The following SLC2A11 variants were observed in gnomAD, a reference collection of about 807,000 sequenced individuals.
SLC2A11 encodes the protein solute carrier family 2 member 11, also known as solute carrier family 2, facilitated glucose transporter member 11.
SLC2A11 carries 43 observed loss-of-function variants against 52.1 expected under a neutral mutation model. The observed-to-expected ratio is 0.82, with a 90% CI of 0.65 to 1.06. SLC2A11 has a LOEUF of 1.06. Among genes scored for constraint, SLC2A11 ranks in the 50% least tolerant of loss-of-function variants. The probability of loss-of-function intolerance (pLI) is 0.00; values close to 1 mark genes in which losing one functional copy is unlikely to be tolerated. For missense variants in SLC2A11, 582 were observed against 654.2 expected, an observed-to-expected ratio of 0.89 and a Z score of 1.20; for synonymous variants, 261 against 277.6, an observed-to-expected ratio of 0.94 and a Z score of 0.59.
rs145943296 is a variant in SLC2A11 at position 23,884,446 on chromosome 22, C to T, written c.1299+17C>T. 2,418 of 1,610,012 alleles carry T rather than the reference C, an allele frequency of 1.5e-3. 19 individuals carry two copies. The highest frequency in any genetic ancestry group is 9.8e-3 in the Middle Eastern group (59 of 6,038). On this transcript the variant is annotated intron_variant, in intron 11 of 11. Coordinates refer to ENST00000316185, the MANE Select transcript of SLC2A11 (RefSeq NM_001024939.4). The surrounding 1 kb of genome is among the most constrained non-coding windows in gnomAD (Gnocchi z 4.3). Reference sequence around the variant, plus strand: ...TTTATCATGGTAGGCCCGCCCCTCCCGCTGGGGGCCCTGCCTTAGGCTGTG... The same window carrying T: ...TTTATCATGGTAGGCCCGCCCCTCCTGCTGGGGGCCCTGCCTTAGGCTGTG...
chr22:23,869,642 CCT>C (rs1441165156), intron 3 of SLC2A11: 14 of 218,680 alleles, frequency 6.4e-5, no homozygotes, highest in African/African-American at 2.6e-4. Context: ...ACAGTGAGCC[CCT>C]GTCTCAAAAC....
chr22:23,876,224 G>A (rs1310820446), intron 4 of SLC2A11, among the ~76,000 whole-genome samples: 1 of 152,150 alleles, frequency 6.6e-6, no homozygotes, highest in Non-Finnish European at 1.5e-5. Flanking sequence ...TTAGAAGTGA[G>A]TTACTAAGAG....
chr22:23,882,845 C>T lies in SLC2A11; in HGVS notation c.969C>T (p.Cys323=), dbSNP rs147441026. ...IQYAIIGTGS[C]ELLTAVVSCV... Reference sequence around the variant, plus strand: ...ACGCGATCATCGGGACTGGGAGCTGCGAGCTGCTCACGGCGGTTGTTAGTG... The same window carrying T: ...ACGCGATCATCGGGACTGGGAGCTGTGAGCTGCTCACGGCGGTTGTTAGTG... Residue 323 remains cysteine, a synonymous_variant, in exon 8 of 12, where the codon TGC becomes TGT. Transcript: ENST00000316185. 3.7e-5 allele frequency: 60 copies of T among 1,613,190 alleles called. No individual in the cohort carries two copies. Among genetic ancestry groups the T allele is most frequent in the African/African-American group, 9.3e-5 (7 of 74,904 alleles).
In SLC2A11 at chr22:23,868,471, C is replaced by G. The variant is rs2032340141; in HGVS notation, c.130-10C>G. On this transcript the variant is annotated splice_polypyrimidine_tract_variant and intron_variant, in intron 2 of 11. Transcript: ENST00000316185. The stretch of plus-strand genomic sequence containing the variant: ...ATCCCCAGAAGGCTGACTGGCATTT[C>G]TGTCCACAGCACATTCAGGAATTCA... 1 of 1,613,802 alleles carries G rather than the reference C, an allele frequency of 6.2e-7. No individual in the cohort carries two copies. Among genetic ancestry groups the G allele is most frequent in the Admixed American group, 1.7e-5 (1 of 59,988 alleles).
In SLC2A11 at chr22:23,882,449, C is replaced by T. The variant is rs775816103; in HGVS notation, c.695-10C>T. On this transcript the variant is annotated splice_polypyrimidine_tract_variant and intron_variant, in intron 6 of 11. Transcript: ENST00000316185. ...GGACGGGGAGCTCAGTACCCTCCTC[C>T]CTGGCTCAGCACTACGGCGGCTCCG... 2.1e-5 allele frequency: 32 copies of T among 1,525,454 alleles called. No homozygotes were observed. The East Asian group carries it at 7.1e-4, about 34-fold the overall frequency. The allele number at this position is 1,525,454 out of a possible 1,614,324, so 94.5% of individuals were successfully genotyped here.
rs867944115 is a variant in SLC2A11 at position 23,861,648 on chromosome 22, G to C, written c.31-456G>C. On this transcript the variant is annotated intron_variant, in intron 1 of 11. Transcript: ENST00000316185. ...TGCAGAACATGCTGGTGGGAGGTAA[G>C]AGAGGTGGCTCAGCCCAGATTCCTG... 4.7e-5 allele frequency among the ~76,000 whole-genome samples: 7 copies of C among 150,088 alleles called. 1 individual carries two copies. The Middle Eastern group carries it at 0.024, about 511-fold the overall frequency.
intron 6 of SLC2A11, among the ~76,000 whole-genome samples, chr22:23,880,137 G>A (rs147145722): frequency 1.3e-5 from 2 of 151,636 alleles, no homozygotes; most frequent in East Asian, 3.9e-4. Context: ...GCTTGAACCC[G>A]AGAGGCGGAG....
chr22:23,878,078 C>G (rs540071096), intron 6 of SLC2A11, among the ~76,000 whole-genome samples: 2 of 152,344 alleles, frequency 1.3e-5, no homozygotes, highest in Non-Finnish European at 2.9e-5. Context: ...ATGGATCAGA[C>G]CTAGCCACTG....
At chr22:23,883,417 A>C in intron 8 of SLC2A11, 1 of 342,718 alleles carries the variant, frequency 2.9e-6, no homozygotes, top group Non-Finnish European at 5.3e-6. Context: ...ACTGCAGTAA[A>C]CCGAGATTGT....
intron 8 of SLC2A11, chr22:23,883,505 C>T: frequency 2.2e-6 from 1 of 460,612 alleles, no homozygotes; most frequent in East Asian, 3.7e-5. Context: ...CTGTCTCAAT[C>T]AATCAATCAA....
chr22:23,866,402 C>T (rs1437137950), intron 2 of SLC2A11: 2 of 168,178 alleles, frequency 1.2e-5, no homozygotes, highest in African/African-American at 4.8e-5. Flanking sequence ...CGCTGCTCTC[C>T]CTTGTGTTCT....
At chr22:23,876,754 G>A (rs1461552573) in intron 4 of SLC2A11, among the ~76,000 whole-genome samples, 3 of 152,158 alleles carry the variant, frequency 2.0e-5, no homozygotes, top group African/African-American at 7.2e-5. Flanking sequence ...CCAGTGATGG[G>A]ACCTAGGAAG....
rs1465370667 is a variant in SLC2A11, at chr22:23,885,118, C to T, written c.*269C>T. ...CTGTAATCCCAGCACTTTGGGAGGC[C>T]AAGGTGGGAGGATCAATTGAGGCCA... On this transcript the variant is annotated 3_prime_UTR_variant, in exon 12 of 12. Transcript: ENST00000316185. The T allele has an allele frequency of 3.8e-6, 2 of 522,830 alleles. No homozygotes were observed. Among genetic ancestry groups the T allele is most frequent in the Non-Finnish European group, 6.7e-6 (2 of 298,568 alleles). The allele number at this position is 522,830 out of a possible 1,614,324, so 32.4% of individuals were successfully genotyped here.
At chr22:23,867,160 T>C (rs2032293145) in intron 2 of SLC2A11, 1 of 152,634 alleles carries the variant, frequency 6.6e-6, no homozygotes, top group Non-Finnish European at 1.5e-5. Context: ...AATAGATCTT[T>C]GTCCTTGGTT....
intron 3 of SLC2A11, chr22:23,872,993 A>G (rs2032502217): frequency 6.6e-6 from 1 of 152,106 alleles, no homozygotes; most frequent in Non-Finnish European, 1.5e-5. Flanking sequence ...TGTGGAATGG[A>G]CTGTGGCCTG....
rs754513632 is a variant in SLC2A11, at chr22:23,857,955, G to A, written c.-45G>A. On this transcript the variant is annotated 5_prime_UTR_variant, in exon 1 of 12. Coordinates refer to ENST00000316185, the MANE Select transcript of SLC2A11 (RefSeq NM_001024939.4). ...CTCACCGCTTGCTAATGGCAGCCGG[G>A]GTCTCCCTGGGACAGCAAGACCTCC... 2.5e-6 allele frequency: 4 copies of A among 1,592,356 alleles called. No individual in the cohort carries two copies. The East Asian group carries it at 6.9e-5, about 28-fold the overall frequency.
At chr22:23,882,732 C>T (rs765101736) in intron 7 of SLC2A11, 27 bp from the exon 8 acceptor site, 2 of 1,607,328 alleles carry the variant, frequency 1.2e-6, no homozygotes, top group African/African-American at 1.3e-5. Flanking sequence ...GGAAGGGAGC[C>T]CAGGCCTGAA....
chr22:23,883,780 A>G lies in SLC2A11; in HGVS notation c.1002A>G (p.Val334=). ...ELLTAVVSCV[V]IERVGRRVLL... Reference sequence around the variant, plus strand: ...GCTTTCTGCCTTTGCAGTGTGTGGTAATCGAGAGGGTGGGTCGGCGCGTGC... The same window carrying G: ...GCTTTCTGCCTTTGCAGTGTGTGGTGATCGAGAGGGTGGGTCGGCGCGTGC... Residue 334 remains valine, a synonymous_variant, in exon 9 of 12, where the codon GTA becomes GTG. Coordinates refer to ENST00000316185, the MANE Select transcript of SLC2A11 (RefSeq NM_001024939.4). 1 of 1,534,890 alleles carries G rather than the reference A, an allele frequency of 6.5e-7. No individual in the cohort carries two copies. Among genetic ancestry groups the G allele is most frequent in the Non-Finnish European group, 8.7e-7 (1 of 1,144,412 alleles).
intron 6 of SLC2A11, chr22:23,881,377 T>C (rs1056638174): frequency 6.6e-6 from 1 of 152,044 alleles, no homozygotes; most frequent in African/African-American, 2.4e-5. Flanking sequence ...GAAGAGCAAG[T>C]AGAAGTGAGC....
Sources: gnomAD v4.1 joint callset for allele counts (sites outside exome capture counted in the v4.1 genomes callset) on GRCh38, gnomAD v4.1.1 for gene constraint, Gnocchi (gnomAD v3.1) non-coding constraint, MANE v1.5 for transcripts, NCBI Gene and HGNC (gene_info 2026-07-23, HGNC 2026-07-21) for gene names.